Variants in ITGA6 observed in about 807,000 individuals in gnomAD.
ITGA6 encodes the protein integrin subunit alpha 6.
ITGA6 carries 63 observed loss-of-function variants against 133.6 expected under a neutral mutation model. The observed-to-expected ratio is 0.47, with a 90% CI of 0.38 to 0.58. ITGA6 has a LOEUF of 0.58. Ranked by LOEUF, ITGA6 falls within the 20% of genes least tolerant of loss-of-function variation. The probability of loss-of-function intolerance (pLI) is 0.00; values close to 1 mark genes in which losing one functional copy is unlikely to be tolerated. For missense variants in ITGA6, 1,068 were observed against 1,309.4 expected, an observed-to-expected ratio of 0.82 and a Z score of 2.85; for synonymous variants, 434 against 482.0, an observed-to-expected ratio of 0.90 and a Z score of 1.30.
intron 24 of ITGA6, among the ~76,000 whole-genome samples, chr2:172,498,873 A>G (rs1030849025): frequency 1.3e-5 from 2 of 152,212 alleles, no homozygotes; most frequent in Admixed American, 6.5e-5. Flanking sequence ...TTATTTGGCA[A>G]TAAAACCTGA....
At chr2:172,446,189 T>C (rs79217320) in intron 1 of ITGA6, among the ~76,000 whole-genome samples, 1,599 of 152,378 alleles carry the variant, frequency 0.01, 32 homozygotes, top group African/African-American at 0.036. Flanking sequence ...AAAATTTGTA[T>C]TTCCTAAACT....
chr2:172,440,431 A>G (rs1480554804), intron 1 of ITGA6, among the ~76,000 whole-genome samples: 1 of 152,220 alleles, frequency 6.6e-6, no homozygotes, highest in Non-Finnish European at 1.5e-5. Context: ...TATTTTAACC[A>G]TTTTAAAGTG....
Position 172,427,773 on chromosome 2 carries a change from C to G in ITGA6, c.-16C>G. The G allele has an allele frequency of 6.3e-7, 1 of 1,577,942 alleles. No homozygotes were observed. Among genetic ancestry groups the G allele is most frequent in the Non-Finnish European group, 8.6e-7 (1 of 1,163,994 alleles). On this transcript the variant is annotated 5_prime_UTR_variant, in exon 1 of 26. Transcript: ENST00000684293. ...GGCCGCTGCAGGTCCCCGCTCCCCTCCCCGTGCGTCCGCCCATGGCCGCCG... is the reference window on the plus strand; with the variant it reads ...GGCCGCTGCAGGTCCCCGCTCCCCTGCCCGTGCGTCCGCCCATGGCCGCCG...
intron 19 of ITGA6, among the ~76,000 whole-genome samples, chr2:172,489,125 A>G (rs2178475): frequency 0.14 from 21,298 of 152,192 alleles, 1,650 homozygotes; most frequent in Non-Finnish European, 0.17. Context: ...GCCTTGGCCC[A>G]GGACTTGTCA....
intron 1 of ITGA6, among the ~76,000 whole-genome samples, chr2:172,458,781 T>A (rs944597248): frequency 1.1e-4 from 16 of 152,068 alleles, no homozygotes; most frequent in Non-Finnish European, 7.4e-5. Context: ...AAGAAACAGA[T>A]AATCCAGGAA....
In ITGA6 at chr2:172,443,868, G is replaced by A. The variant is rs1244945630; in HGVS notation, c.182+15898G>A. Among the ~76,000 whole-genome samples the A allele has an allele frequency of 3.9e-5, 6 of 152,278 alleles. No individual in the cohort carries two copies. In the East Asian group the frequency reaches 1.2e-3, roughly 29 times the overall value. On this transcript the variant is annotated intron_variant, in intron 1 of 25. Coordinates refer to ENST00000684293, the MANE Select transcript of ITGA6 (RefSeq NM_000210.4). Reference sequence around the variant, plus strand: ...CGGGTTACTGCAGCCTCAACCTCCTGGGCTCAGGTGATCCTCCCGCCTCGG... The same window carrying A: ...CGGGTTACTGCAGCCTCAACCTCCTAGGCTCAGGTGATCCTCCCGCCTCGG...
intron 5 of ITGA6, among the ~76,000 whole-genome samples, chr2:172,472,185 G>A (rs893051430): frequency 6.6e-5 from 10 of 152,178 alleles, no homozygotes; most frequent in African/African-American, 1.4e-4. Flanking sequence ...TTAGCCAGGC[G>A]TGGTGGTACA....
Position 172,469,346 on chromosome 2 carries a change from T to A in ITGA6, c.609T>A (p.Ile203=), listed in dbSNP as rs749213437. The part of the protein sequence containing the change: ...AATFTKDFHY[I]VFGAPGTYNW... ...CTTTTACTAAAGACTTTCATTACATTGTATTTGGAGCCCCGGGTACTTATA... is the reference window on the plus strand; with the variant it reads ...CTTTTACTAAAGACTTTCATTACATAGTATTTGGAGCCCCGGGTACTTATA... Residue 203 remains isoleucine, a synonymous_variant, in exon 4 of 26, where the codon ATT becomes ATA. Transcript: ENST00000684293. 6.2e-7 allele frequency: 1 copy of A among 1,614,114 alleles called. No homozygotes were observed. The highest frequency in any genetic ancestry group is 8.5e-7 in the Non-Finnish European group (1 of 1,179,956).
intron 1 of ITGA6, among the ~76,000 whole-genome samples, chr2:172,432,622 C>G (rs184805436): frequency 6.6e-6 from 1 of 152,214 alleles, no homozygotes; most frequent in Non-Finnish European, 1.5e-5. Context: ...CAAAGAAACG[C>G]ACAAGACGTT....
At chr2:172,473,023 A>AT (rs1184563367) in intron 5 of ITGA6, 5 of 627,592 alleles carry the variant, frequency 8.0e-6, no homozygotes, top group Middle Eastern at 2.8e-4. Flanking sequence ...AAAGCATGCC[A>AT]TGGCTGGGGC....
intron 1 of ITGA6, among the ~76,000 whole-genome samples, chr2:172,463,868 T>C (rs1171382496): frequency 6.6e-6 from 1 of 152,212 alleles, no homozygotes; most frequent in African/African-American, 2.4e-5. Context: ...TACTTGTTTG[T>C]TGGCATTCCT....
chr2:172,476,994 GTACT>G (rs1468566701), intron 9 of ITGA6, among the ~76,000 whole-genome samples: 1 of 152,120 alleles, frequency 6.6e-6, no homozygotes, highest in African/African-American at 2.4e-5. Flanking sequence ...ATGTCACTGA[GTACT>G]TTTCCAAAAT....
chr2:172,479,929 G>A (rs1336072170), intron 10 of ITGA6, 61 bp from the exon 11 acceptor site: 3 of 1,200,628 alleles, frequency 2.5e-6, no homozygotes, highest in Non-Finnish European at 3.7e-6. Context: ...TAGGGAACAT[G>A]TTGGGTTTTT....
At position 172,487,319 on chromosome 2, in the gene ITGA6, A is replaced by G. The variant is rs1434048409; in HGVS notation, c.2026A>G (p.Ile676Val). ...LKDQKDIALE[I>V]TVTNSPSNPR... ...AGATCAGAAGGATATTGCTTTAGAA[A>G]TAACAGTGACAAACAGCCCTTCCAA... The change falls in exon 15 of 26, where the codon ATA (isoleucine) becomes GTA (valine). Residue 676 changes from isoleucine to valine, a missense_variant. Coordinates refer to ENST00000684293, the MANE Select transcript of ITGA6 (RefSeq NM_000210.4). The G allele has an allele frequency of 6.2e-7, 1 of 1,614,106 alleles. No individual in the cohort carries two copies. Among genetic ancestry groups the G allele is most frequent in the Non-Finnish European group, 8.5e-7 (1 of 1,179,922 alleles).
chr2:172,454,967 C>T (rs956294528), intron 1 of ITGA6, among the ~76,000 whole-genome samples: 2 of 151,974 alleles, frequency 1.3e-5, no homozygotes, highest in Non-Finnish European at 2.9e-5. Context: ...GCATAACAAA[C>T]CTGCATGTGT....
intron 11 of ITGA6, 120 bp from the exon 12 acceptor site, chr2:172,484,662 T>C: frequency 2.4e-6 from 2 of 828,548 alleles, no homozygotes; most frequent in African/African-American, 1.7e-5. Flanking sequence ...CCAGGAAATA[T>C]GAAGAGAAAC....
chr2:172,468,694 A>G (rs766413143), intron 3 of ITGA6, among the ~76,000 whole-genome samples: 2 of 152,208 alleles, frequency 1.3e-5, no homozygotes, highest in Non-Finnish European at 2.9e-5. Context: ...TTTGATCCCT[A>G]TGAAAACAGG....
intron 18 of ITGA6, 44 bp downstream of exon 18, chr2:172,488,082 C>G (rs775364996): frequency 6.2e-7 from 1 of 1,609,028 alleles, no homozygotes; most frequent in Non-Finnish European, 8.5e-7. Flanking sequence ...TTTGAAAGAA[C>G]CATTTACAAT....
At chr2:172,451,691 G>A (rs79653957) in intron 1 of ITGA6, among the ~76,000 whole-genome samples, 2,314 of 152,228 alleles carry the variant, frequency 0.015, 60 homozygotes, top group African/African-American at 0.053. Context: ...TAGAGATGAG[G>A]AAAAGGTCTA....
Sources: gnomAD v4.1 joint callset for allele counts (sites outside exome capture counted in the v4.1 genomes callset) on GRCh38, gnomAD v4.1.1 for gene constraint, MANE v1.5 for transcripts, NCBI Gene and HGNC (gene_info 2026-07-23, HGNC 2026-07-21) for gene names.